The following CTNND2 variants were observed in gnomAD, a reference collection of about 807,000 sequenced individuals.
The protein encoded by CTNND2 is catenin delta 2.
Under a neutral mutation model 144.4 loss-of-function variants are expected in CTNND2, and 22 were observed. That is an observed-to-expected ratio of 0.15 (90% CI 0.11 to 0.22). CTNND2 has a LOEUF of 0.22. CTNND2 is among the 10% of genes least tolerant of loss of function. The pLI, the probability that CTNND2 is intolerant of heterozygous loss-of-function variation, is 1.00. For synonymous variants in CTNND2, 751 were observed against 695.6 expected (o/e 1.08, Z -1.25); for missense variants, 1,353 against 1,618.8 (o/e 0.84, Z 2.82).
At chr5:11,588,745 C>A in intron 2 of CTNND2, 2 of 985,078 alleles carry the variant, frequency 2.0e-6, no homozygotes, top group Non-Finnish European at 2.4e-6. Context: ...CTTTACTGTA[C>A]CTTTTGAAAT....
At position 11,082,986 on chromosome 5, in the gene CTNND2, T is replaced by C. The variant is rs181177788; in HGVS notation, c.2638-140A>G. ...AGACCTAGTTGTAGAATGGGTTGAA[T>C]ACGTTAGACATGCATTTAAACTTTT... On this transcript the variant is annotated intron_variant, in intron 15 of 21. Transcript: ENST00000304623. 1,788 of 913,022 alleles carry C rather than the reference T, an allele frequency of 2.0e-3. 9 individuals carry two copies. Among genetic ancestry groups the C allele is most frequent in the South Asian group, 5.6e-3 (303 of 53,866 alleles). The allele number at this position is 913,022 out of a possible 1,614,324, so 56.6% of individuals were successfully genotyped here. A position where few individuals can be genotyped will look rare whatever the true frequency, so the allele number is the denominator to read the frequency against.
At chr5:11,346,769 T>G in intron 8 of CTNND2, 142 bp from the exon 9 acceptor site, 1 of 764,100 alleles carries the variant, frequency 1.3e-6, no homozygotes, top group Non-Finnish European at 1.9e-6. Context: ...ATCCATCATA[T>G]TTGAACCAAT....
chr5:11,511,917 GA>G (rs1391302011), intron 3 of CTNND2, among the ~76,000 whole-genome samples: 1 of 152,152 alleles, frequency 6.6e-6, no homozygotes, highest in East Asian at 1.9e-4. Flanking sequence ...CATTACCAAA[GA>G]ATTTGTTTTC....
intron 14 of CTNND2, among the ~76,000 whole-genome samples, chr5:11,110,039 C>G (rs1752802936): frequency 6.6e-6 from 1 of 152,136 alleles, no homozygotes; most frequent in African/African-American, 2.4e-5. Flanking sequence ...TTTCCAGGCC[C>G]TGAAGTTAAC....
chr5:11,856,618 T>C (rs1795262752), intron 1 of CTNND2, among the ~76,000 whole-genome samples: 1 of 151,992 alleles, frequency 6.6e-6, no homozygotes, highest in Non-Finnish European at 1.5e-5. Flanking sequence ...TGAAAGGGCA[T>C]CAGGAACTAC....
At chr5:11,380,055 G>T (rs1178175440) in intron 7 of CTNND2, among the ~76,000 whole-genome samples, 1 of 152,090 alleles carries the variant, frequency 6.6e-6, no homozygotes, top group East Asian at 1.9e-4. Context: ...TTTGTTCTGG[G>T]ACCACTTCAT....
At chr5:11,855,318 T>C (rs372724280) in intron 1 of CTNND2, among the ~76,000 whole-genome samples, 2 of 152,184 alleles carry the variant, frequency 1.3e-5, no homozygotes, top group East Asian at 3.9e-4. Flanking sequence ...CTTTCCTGTG[T>C]GTATAACCTT....
At chr5:10,996,838 C>A (rs1334402216) in intron 18 of CTNND2, among the ~76,000 whole-genome samples, 3 of 152,064 alleles carry the variant, frequency 2.0e-5, no homozygotes, top group African/African-American at 7.2e-5. Flanking sequence ...ACCTCTTGAT[C>A]CGCCTGCCTC....
intron 16 of CTNND2, among the ~76,000 whole-genome samples, chr5:11,062,811 G>C (rs530933927): frequency 6.6e-6 from 1 of 152,178 alleles, no homozygotes; most frequent in Non-Finnish European, 1.5e-5. Context: ...CCTGAAAAAC[G>C]TGCTTGCATG....
chr5:11,078,883 C>G (rs921335911), intron 16 of CTNND2, among the ~76,000 whole-genome samples: 1 of 152,182 alleles, frequency 6.6e-6, no homozygotes, highest in Admixed American at 6.5e-5. Context: ...AAATTAAATG[C>G]AAACTAAGTG....
rs73059753 is a variant in CTNND2, at chr5:11,689,147, C to G, written c.174+42989G>C. Among the ~76,000 whole-genome samples, 192 of 152,284 alleles carry G rather than the reference C, an allele frequency of 1.3e-3. 2 individuals carry two copies. Among genetic ancestry groups the G allele is most frequent in the African/African-American group, 4.2e-3 (176 of 41,562 alleles). On this transcript the variant is annotated intron_variant, in intron 2 of 21. Coordinates refer to ENST00000304623, the MANE Select transcript of CTNND2 (RefSeq NM_001332.4). The stretch of plus-strand genomic sequence containing the variant: ...AGCATAGGGCAGCTGTAGCACCAAT[C>G]CAAAACTAACCAGCACTGTACCTGC...
At chr5:11,650,911 T>C (rs915921769) in intron 2 of CTNND2, among the ~76,000 whole-genome samples, 2 of 152,052 alleles carry the variant, frequency 1.3e-5, no homozygotes, top group Admixed American at 6.5e-5. Context: ...GAGAGCAGAG[T>C]AAAAAAGTTC....
chr5:11,732,135 C>T lies in CTNND2; in HGVS notation c.174+1G>A. On this transcript the variant is annotated splice_donor_variant, in intron 2 of 21. Coordinates refer to ENST00000304623, the MANE Select transcript of CTNND2 (RefSeq NM_001332.4). LOFTEE classifies it high-confidence loss of function. ...TATCACAAAAATGGGAATGTTTCTA[C>T]CTGTTCTTTGACTGAGGCGAGGATG... The T allele has an allele frequency of 6.2e-7, 1 of 1,612,422 alleles. No homozygotes were observed. Among genetic ancestry groups the T allele is most frequent in the Non-Finnish European group, 8.5e-7 (1 of 1,178,720 alleles).
At chr5:11,503,965 A>T (rs1770763873) in intron 3 of CTNND2, among the ~76,000 whole-genome samples, 1 of 152,252 alleles carries the variant, frequency 6.6e-6, no homozygotes, top group Non-Finnish European at 1.5e-5. Flanking sequence ...AAAGAAAAAA[A>T]CTGCATGAAA....
At chr5:11,421,173 G>A (rs745727642) in intron 3 of CTNND2, among the ~76,000 whole-genome samples, 2 of 152,136 alleles carry the variant, frequency 1.3e-5, no homozygotes, top group African/African-American at 2.4e-5. Flanking sequence ...ATGACAGTTG[G>A]CAATCACCAT....
At chr5:11,235,946 T>C (rs1232606633) in intron 10 of CTNND2, among the ~76,000 whole-genome samples, 3 of 152,238 alleles carry the variant, frequency 2.0e-5, no homozygotes, top group Non-Finnish European at 2.9e-5. Context: ...AGATGACTCG[T>C]TATAGTTTAT....
At chr5:11,028,663 T>C (rs1743116645) in intron 16 of CTNND2, among the ~76,000 whole-genome samples, 1 of 152,240 alleles carries the variant, frequency 6.6e-6, no homozygotes, top group Admixed American at 6.5e-5. Context: ...CTTAGCATAA[T>C]GTTCTTAAGG....
chr5:11,201,353 C>T (rs1737416726), intron 10 of CTNND2, among the ~76,000 whole-genome samples: 1 of 152,062 alleles, frequency 6.6e-6, no homozygotes, highest in Admixed American at 6.5e-5. Flanking sequence ...ATAGTGTTTT[C>T]AAAATGAAGA....
At chr5:11,086,767 C>T (rs1481015769) in intron 15 of CTNND2, among the ~76,000 whole-genome samples, 2 of 152,182 alleles carry the variant, frequency 1.3e-5, no homozygotes, top group East Asian at 3.9e-4. Context: ...CCCAGCCCAG[C>T]TATAAATACA....
Sources: gnomAD v4.1 joint callset for allele counts (sites outside exome capture counted in the v4.1 genomes callset) on GRCh38, gnomAD v4.1.1 for gene constraint, MANE v1.5 for transcripts, NCBI Gene and HGNC (gene_info 2026-07-23, HGNC 2026-07-21) for gene names.